ADAMTSL1: variants seen among roughly 807,000 people sequenced by gnomAD.
ADAMTSL1 encodes the protein ADAMTS-like protein 1.
Under a neutral mutation model 201.8 loss-of-function variants are expected in ADAMTSL1, and 126 were observed. The observed-to-expected ratio is 0.62, with a 90% CI of 0.54 to 0.72. ADAMTSL1 has a LOEUF of 0.72. Ranked by LOEUF, ADAMTSL1 falls within the 30% of genes least tolerant of loss-of-function variation. The pLI is 0.00. For synonymous variants in ADAMTSL1, 1,121 were observed against 903.4 expected (o/e 1.24, Z -4.32); for missense variants, 2,679 against 2,277.8 (o/e 1.18, Z -3.59).
rs1025096420 is a variant in ADAMTSL1 at position 17,920,480 on chromosome 9, T to C, written c.87+13558T>C. 5.9e-5 allele frequency among the ~76,000 whole-genome samples: 9 copies of C among 152,318 alleles called. 1 individual carries two copies. The highest frequency in any genetic ancestry group is 2.0e-4 in the Admixed American group (3 of 15,282). On this transcript the variant is annotated intron_variant, in intron 1 of 29. Coordinates refer to the ADAMTSL1 transcript ENST00000680146. Reference sequence around the variant, plus strand: ...CCAGAAAGTTATTCTACTCTCACACTTGTTGCTTATTTTGCATGACATAGA... The same window carrying C: ...CCAGAAAGTTATTCTACTCTCACACCTGTTGCTTATTTTGCATGACATAGA...
intron 2 of ADAMTSL1, among the ~76,000 whole-genome samples, chr9:18,169,753 A>G (rs1827806678): frequency 6.6e-6 from 1 of 152,152 alleles, no homozygotes; most frequent in Non-Finnish European, 1.5e-5. Flanking sequence ...CTTCCTACCC[A>G]TGAGCATGGA....
chr9:18,194,010 G>A (rs1300419393), intron 2 of ADAMTSL1, among the ~76,000 whole-genome samples: 2 of 152,054 alleles, frequency 1.3e-5, no homozygotes, highest in Non-Finnish European at 1.5e-5. Context: ...CATGATGATA[G>A]CAGAAAAGAG....
At chr9:18,501,503 C>CAAAAAAAAAAAAAAAAAAAAAAAAA (rs397894789) in intron 1 of ADAMTSL1, among the ~76,000 whole-genome samples, 1 of 93,088 alleles carries the variant, frequency 1.1e-5, no homozygotes, top group African/African-American at 5.1e-5. Flanking sequence ...GACACGGTCT[C>CAAAAAAAAAAAAAAAAAAAAAAAAA]AAAAAAAAAA....
At chr9:18,456,433 A>G (rs1181902213) in intron 2 of ADAMTSL1, among the ~76,000 whole-genome samples, 1 of 152,154 alleles carries the variant, frequency 6.6e-6, no homozygotes, top group Non-Finnish European at 1.5e-5. Context: ...TCCTTTTGGA[A>G]TATATAAAAT....
At chr9:18,566,834 G>A (rs1244339385) in intron 3 of ADAMTSL1, among the ~76,000 whole-genome samples, 2 of 152,154 alleles carry the variant, frequency 1.3e-5, no homozygotes, top group South Asian at 2.1e-4. Flanking sequence ...AGGGCAGAAG[G>A]GAAATTAGGA....
At chr9:18,903,324 A>C (rs1230899386) in intron 26 of ADAMTSL1, among the ~76,000 whole-genome samples, 1 of 152,244 alleles carries the variant, frequency 6.6e-6, no homozygotes, top group Non-Finnish European at 1.5e-5. Context: ...AGTTATATAC[A>C]CAATACATAG....
chr9:18,528,339 C>G (rs1819225078), intron 2 of ADAMTSL1, among the ~76,000 whole-genome samples: 2 of 152,132 alleles, frequency 1.3e-5, no homozygotes, highest in Admixed American at 1.3e-4. Flanking sequence ...CTTTCTGGTA[C>G]TCTCCCTCCC....
chr9:18,463,747 T>A (rs1162367887), intron 2 of ADAMTSL1, among the ~76,000 whole-genome samples: 3 of 152,244 alleles, frequency 2.0e-5, no homozygotes, highest in Non-Finnish European at 4.4e-5. Context: ...GTTGATCTGT[T>A]CATTTGTCAA....
intron 2 of ADAMTSL1, among the ~76,000 whole-genome samples, chr9:18,298,763 CT>C (rs1411877510): frequency 5.3e-5 from 8 of 151,892 alleles, no homozygotes; most frequent in Non-Finnish European, 1.0e-4. Context: ...GTGGCTCACG[CT>C]TGTAATCCCA....
chr9:18,829,885 T>G lies in ADAMTSL1; in HGVS notation c.4157T>G (p.Leu1386Trp). Reference sequence around the variant, plus strand: ...ACACAGTTGGAAGACATCAGGGCCTTGCTCGCTGCCACTGGACCGAACCTT... The same window carrying G: ...ACACAGTTGGAAGACATCAGGGCCTGGCTCGCTGCCACTGGACCGAACCTT... ...VPTQLEDIRALLAATGPNLPS... is the reference protein window; with the variant it reads ...VPTQLEDIRAWLAATGPNLPS... Residue 1386 changes from leucine to tryptophan, a missense_variant, in exon 23 of 29, where the codon TTG (leucine) becomes TGG (tryptophan). Transcript: ENST00000380548. 1 of 1,613,972 alleles carries G rather than the reference T, an allele frequency of 6.2e-7. No individual in the cohort carries two copies. The highest frequency in any genetic ancestry group is 8.5e-7 in the Non-Finnish European group (1 of 1,179,876).
Position 18,445,425 on chromosome 9 carries a change from T to C in ADAMTSL1, c.208-59404T>C, listed in dbSNP as rs185817721. Among the ~76,000 whole-genome samples, 5 of 152,322 alleles carry C rather than the reference T, an allele frequency of 3.3e-5. No individual in the cohort carries two copies. In the East Asian group the frequency reaches 9.6e-4, roughly 29 times the overall value. On this transcript the variant is annotated intron_variant, in intron 2 of 29. Transcript: ENST00000680146. The stretch of plus-strand genomic sequence containing the variant: ...ACCTACATTCCTACATACAAAATGA[T>C]ACCCTTGTGGTACATCTTTTAATCA...
rs190545545 is a variant in ADAMTSL1, at chr9:18,776,911, G to T, written c.2682G>T (p.Ala894=). Reference sequence around the variant, plus strand: ...TCGCCTACCTGCTCCCCAAGACGGCGGTGGTGCTGCGCTGCCCGGCGCGCA... The same window carrying T: ...TCGCCTACCTGCTCCCCAAGACGGCTGTGGTGCTGCGCTGCCCGGCGCGCA... ...GGFAYLLPKT[A]VVLRCPARRV... The change falls in exon 19 of 29, where the codon GCG becomes GCT. Residue 894 remains alanine, a synonymous_variant. Transcript: ENST00000380548. 5.2e-5 allele frequency: 83 copies of T among 1,609,386 alleles called. No individual in the cohort carries two copies. The African/African-American group carries it at 1.0e-3, about 20-fold the overall frequency.
At chr9:18,155,516 C>T (rs1827113618) in intron 1 of ADAMTSL1, among the ~76,000 whole-genome samples, 1 of 151,968 alleles carries the variant, frequency 6.6e-6, no homozygotes, top group Non-Finnish European at 1.5e-5. Context: ...TGAATGTGGC[C>T]CAACACAAAT....
chr9:18,720,279 C>T (rs751101063), intron 14 of ADAMTSL1, among the ~76,000 whole-genome samples: 1 of 152,200 alleles, frequency 6.6e-6, no homozygotes, highest in Admixed American at 6.5e-5. Context: ...TTAAGCAGGT[C>T]TTTTCACCCT....
At chr9:18,153,834 A>C (rs1437662298) in intron 1 of ADAMTSL1, among the ~76,000 whole-genome samples, 1 of 152,086 alleles carries the variant, frequency 6.6e-6, no homozygotes, top group Non-Finnish European at 1.5e-5. Flanking sequence ...CCTAGTACTT[A>C]CAGAAAGCCA....
chr9:18,350,017 C>T (rs1378755207), intron 2 of ADAMTSL1, among the ~76,000 whole-genome samples: 1 of 151,842 alleles, frequency 6.6e-6, no homozygotes, highest in Non-Finnish European at 1.5e-5. Flanking sequence ...TGTTGTTGGC[C>T]TGCAGTAACC....
intron 1 of ADAMTSL1, among the ~76,000 whole-genome samples, chr9:18,049,816 G>A (rs1821848486): frequency 6.6e-6 from 1 of 151,976 alleles, no homozygotes; most frequent in African/African-American, 2.4e-5. Flanking sequence ...GTAGAGATAG[G>A]GTTTTACCGT....
chr9:18,350,816 T>C (rs1039110258), intron 2 of ADAMTSL1, among the ~76,000 whole-genome samples: 1 of 152,134 alleles, frequency 6.6e-6, no homozygotes, highest in African/African-American at 2.4e-5. Context: ...CACAGTTTTA[T>C]GGAATTGGCA....
At chr9:18,577,502 AC>A (rs1421949017) in intron 4 of ADAMTSL1, among the ~76,000 whole-genome samples, 3 of 152,082 alleles carry the variant, frequency 2.0e-5, no homozygotes, top group Non-Finnish European at 4.4e-5. Flanking sequence ...AATAAATACA[AC>A]ATGAGTTTGA....
Sources: gnomAD v4.1 joint callset for allele counts (sites outside exome capture counted in the v4.1 genomes callset) on GRCh38, gnomAD v4.1.1 for gene constraint, MANE v1.5 for transcripts, NCBI Gene and HGNC (gene_info 2026-07-23, HGNC 2026-07-21) for gene names.